MAML3: variants seen among roughly 807,000 people sequenced by gnomAD.
MAML3 encodes mastermind like transcriptional coactivator 3, also known as mastermind-like protein 3.
Under a neutral mutation model 101.9 loss-of-function variants are expected in MAML3, and 27 were observed. The ratio of observed to expected loss-of-function variants is 0.27; its 90% CI spans 0.20 to 0.37. The LOEUF (loss-of-function observed/expected upper bound fraction) is 0.37, where lower values mean the gene tolerates loss of function less well. Among genes scored for constraint, MAML3 ranks in the 10% least tolerant of loss-of-function variants. MAML3 has a pLI of 1.00. For synonymous variants in MAML3, 501 were observed against 555.9 expected, an observed-to-expected ratio of 0.90 and a Z score of 1.39; for missense variants, 1,316 against 1,444.9, an observed-to-expected ratio of 0.91 and a Z score of 1.45.
intron 2 of MAML3, among the ~76,000 whole-genome samples, chr4:139,884,642 G>A (rs1732287532): frequency 6.6e-6 from 1 of 152,194 alleles, no homozygotes; most frequent in African/African-American, 2.4e-5. Flanking sequence ...CACAGGGATT[G>A]TGGTTGCCTT....
At chr4:140,136,809 A>G (rs1318247284) in intron 1 of MAML3, among the ~76,000 whole-genome samples, 1 of 152,244 alleles carries the variant, frequency 6.6e-6, no homozygotes, top group Non-Finnish European at 1.5e-5. Flanking sequence ...TATTAAACAA[A>G]GATTCCTCAA....
At chr4:139,933,508 C>A (rs1359035162) in intron 1 of MAML3, among the ~76,000 whole-genome samples, 1 of 152,284 alleles carries the variant, frequency 6.6e-6, no homozygotes, top group South Asian at 2.1e-4. Context: ...TTCTCATGCA[C>A]GTGAATTTGC....
At chr4:139,756,157 CG>C in intron 2 of MAML3, among the ~76,000 whole-genome samples, 1 of 152,210 alleles carries the variant, frequency 6.6e-6, no homozygotes, top group South Asian at 2.1e-4. Flanking sequence ...GTAGGTTGTC[CG>C]GGGAAGAATG....
chr4:139,838,800 C>A (rs924392504), intron 2 of MAML3, among the ~76,000 whole-genome samples: 1 of 152,108 alleles, frequency 6.6e-6, no homozygotes, highest in African/African-American at 2.4e-5. Flanking sequence ...CTATAAAACA[C>A]GCACTGCCAC....
chr4:140,073,429 C>T (rs1560885159), intron 1 of MAML3, among the ~76,000 whole-genome samples: 1 of 152,090 alleles, frequency 6.6e-6, no homozygotes, highest in African/African-American at 2.4e-5. Flanking sequence ...TGAACCACCT[C>T]GCCCAACCCT....
intron 1 of MAML3, among the ~76,000 whole-genome samples, chr4:140,095,137 A>T (rs563376945): frequency 3.0e-4 from 45 of 152,354 alleles, no homozygotes; most frequent in Non-Finnish European, 5.4e-4. Flanking sequence ...GTCACAGAGT[A>T]CCTGCCCTTG....
At chr4:140,148,508 G>A (rs971215595) in intron 1 of MAML3, among the ~76,000 whole-genome samples, 4 of 152,228 alleles carry the variant, frequency 2.6e-5, no homozygotes, top group Non-Finnish European at 4.4e-5. Flanking sequence ...GTTGGGCAAT[G>A]GAAAGCTTTC....
chr4:140,084,824 G>T (rs1727923926), intron 1 of MAML3, among the ~76,000 whole-genome samples: 1 of 152,130 alleles, frequency 6.6e-6, no homozygotes, highest in South Asian at 2.1e-4. Context: ...AACACATTGT[G>T]TTCAAGGTTT....
At chr4:139,898,594 G>A (rs141050798) in intron 1 of MAML3, among the ~76,000 whole-genome samples, 203 of 152,338 alleles carry the variant, frequency 1.3e-3, no homozygotes, top group Non-Finnish European at 2.4e-3. Flanking sequence ...AGAGACACAA[G>A]TCTTTCCCAA....
intron 1 of MAML3, among the ~76,000 whole-genome samples, chr4:140,001,288 T>G (rs1042138387): frequency 6.6e-6 from 1 of 152,210 alleles, no homozygotes; most frequent in African/African-American, 2.4e-5. Flanking sequence ...TGAAACCAGT[T>G]TGAAGGCTCC....
At chr4:139,893,161 C>T (rs537863159) in intron 1 of MAML3, among the ~76,000 whole-genome samples, 1 of 152,238 alleles carries the variant, frequency 6.6e-6, no homozygotes, top group South Asian at 2.1e-4. Context: ...GCTAAGCTTC[C>T]TTCTGCCTCT....
chr4:139,989,132 G>GGCTCTGGA (rs1241473061), intron 1 of MAML3, among the ~76,000 whole-genome samples: 2 of 152,000 alleles, frequency 1.3e-5, no homozygotes, highest in African/African-American at 4.8e-5. Flanking sequence ...CCAGAGACAG[G>GGCTCTGGA]GCTCTGGACG....
intron 1 of MAML3, among the ~76,000 whole-genome samples, chr4:140,028,093 G>A (rs1726854093): frequency 6.6e-6 from 1 of 152,156 alleles, no homozygotes; most frequent in Non-Finnish European, 1.5e-5. Context: ...TATTATGTTT[G>A]GAATAGGTTT....
At chr4:140,051,327 G>C (rs536577835) in intron 1 of MAML3, among the ~76,000 whole-genome samples, 1 of 152,274 alleles carries the variant, frequency 6.6e-6, no homozygotes, top group South Asian at 2.1e-4. Flanking sequence ...GGCTGAGGCA[G>C]GTGGATCACC....
At chr4:140,152,810 C>CCCCACCCCCCCCA in intron 1 of MAML3, 50 bp downstream of exon 1, 3 of 1,574,050 alleles carry the variant, frequency 1.9e-6, no homozygotes, top group South Asian at 2.4e-5. Context: ...CCCCCACCAC[C>CCCCACCCCCCCCA]ACCACCACCC....
chr4:139,795,024 C>T (rs934133348), intron 2 of MAML3, among the ~76,000 whole-genome samples: 1 of 152,154 alleles, frequency 6.6e-6, no homozygotes, highest in South Asian at 2.1e-4. Context: ...GTGACTGAGA[C>T]TGAAGTTATA....
chr4:139,927,204 G>C (rs1012949606), intron 1 of MAML3, among the ~76,000 whole-genome samples: 1 of 151,852 alleles, frequency 6.6e-6, no homozygotes, highest in African/African-American at 2.4e-5. Context: ...GGTTACAGGC[G>C]TGAGCCACCA....
chr4:139,910,878 T>C (rs1420737250), intron 1 of MAML3, among the ~76,000 whole-genome samples: 1 of 152,222 alleles, frequency 6.6e-6, no homozygotes, highest in African/African-American at 2.4e-5. Context: ...TATATAATTG[T>C]GGTTAAAATA....
chr4:140,036,892 GA>G (rs1374319692), intron 1 of MAML3, among the ~76,000 whole-genome samples: 2 of 152,118 alleles, frequency 1.3e-5, no homozygotes, highest in African/African-American at 4.8e-5. Context: ...CGGTGGCTCA[GA>G]AGCACACTAT....
Sources: gnomAD v4.1 joint callset for allele counts (sites outside exome capture counted in the v4.1 genomes callset) on GRCh38, gnomAD v4.1.1 for gene constraint, MANE v1.5 for transcripts, NCBI Gene and HGNC (gene_info 2026-07-23, HGNC 2026-07-21) for gene names.